ANXA10: variants seen among roughly 807,000 people sequenced by gnomAD.
ANXA10 encodes annexin 14.
In ANXA10, 49 loss-of-function variants were observed where a neutral mutation model predicts 53.5. The ratio of observed to expected loss-of-function variants is 0.92; its 90% CI spans 0.73 to 1.16. The LOEUF is 1.16. Among genes scored for constraint, ANXA10 ranks in the 50% most tolerant of loss-of-function variants. ANXA10 has a pLI of 0.00. For synonymous variants in ANXA10, 131 were observed against 128.9 expected, an observed-to-expected ratio of 1.02 and a Z score of -0.11; for missense variants, 393 against 394.4, an observed-to-expected ratio of 1.00 and a Z score of 0.03.
chr4:168,139,177 G>C (rs1731286556), intron 2 of ANXA10, among the ~76,000 whole-genome samples: 1 of 152,064 alleles, frequency 6.6e-6, no homozygotes, highest in African/African-American at 2.4e-5. Context: ...TATTGTTTCT[G>C]TTCTCAGGGG....
At chr4:168,104,338 G>T (rs1358525163) in intron 1 of ANXA10, among the ~76,000 whole-genome samples, 1 of 151,666 alleles carries the variant, frequency 6.6e-6, no homozygotes, top group Non-Finnish European at 1.5e-5. Flanking sequence ...TGTTCATAAG[G>T]GTTACTATCC....
At chr4:168,178,819 G>C (rs1487311861) in intron 8 of ANXA10, among the ~76,000 whole-genome samples, 1 of 152,126 alleles carries the variant, frequency 6.6e-6, no homozygotes. Flanking sequence ...TCATCACAGA[G>C]AGGACTTTTA....
chr4:168,165,679 T>C (rs996890065), intron 6 of ANXA10, among the ~76,000 whole-genome samples: 7 of 149,530 alleles, frequency 4.7e-5, no homozygotes, highest in African/African-American at 1.5e-4. Flanking sequence ...AATTTCTTTC[T>C]TTCTTTCTTT....
At chr4:168,156,429 T>C (rs929671072) in intron 3 of ANXA10, among the ~76,000 whole-genome samples, 1 of 124,878 alleles carries the variant, frequency 8.0e-6, no homozygotes, top group Non-Finnish European at 1.6e-5. Flanking sequence ...ATATATACTA[T>C]ATAATATATA....
At chr4:168,184,325 A>ATTGT (rs1454095120) in intron 10 of ANXA10, among the ~76,000 whole-genome samples, 3 of 152,204 alleles carry the variant, frequency 2.0e-5, no homozygotes, top group Admixed American at 1.3e-4. Flanking sequence ...TAGAGAGCAC[A>ATTGT]AGGCATTCAG....
At chr4:168,120,069 T>C (rs1462335865) in intron 1 of ANXA10, among the ~76,000 whole-genome samples, 1 of 152,070 alleles carries the variant, frequency 6.6e-6, no homozygotes, top group Non-Finnish European at 1.5e-5. Flanking sequence ...AATACAGTTT[T>C]GCAATACTTG....
At position 168,164,187 on chromosome 4, in the gene ANXA10, C is replaced by T. The variant is rs1226096635; in HGVS notation, c.310-11C>T. The stretch of plus-strand genomic sequence containing the variant: ...ATATCCTTACATTTATCTCTTTTTT[C>T]CTTTCTCTAGGGAGTAGGCACTGAT... On this transcript the variant is annotated splice_polypyrimidine_tract_variant and intron_variant, in intron 4 of 11. Transcript: ENST00000359299. 3.2e-6 allele frequency: 5 copies of T among 1,569,952 alleles called. No homozygotes were observed. The highest frequency in any genetic ancestry group is 1.7e-5 in the Admixed American group (1 of 57,266).
At chr4:168,155,414 C>A (rs1364788209) in intron 3 of ANXA10, among the ~76,000 whole-genome samples, 1 of 75,784 alleles carries the variant, frequency 1.3e-5, no homozygotes, top group African/African-American at 5.5e-5. Flanking sequence ...TTATATTATA[C>A]ATTATATTAT....
intron 9 of ANXA10, among the ~76,000 whole-genome samples, chr4:168,180,081 T>C (rs1732211786): frequency 6.6e-6 from 1 of 152,136 alleles, no homozygotes; most frequent in African/African-American, 2.4e-5. Context: ...GGCAGAGGCA[T>C]ACACGGGCGT....
chr4:168,116,087 CA>C (rs150995061), intron 1 of ANXA10, among the ~76,000 whole-genome samples: 2 of 150,826 alleles, frequency 1.3e-5, no homozygotes, highest in East Asian at 1.9e-4. Context: ...AAGACAAATG[CA>C]AAAAAAATGG....
intron 1 of ANXA10, among the ~76,000 whole-genome samples, chr4:168,103,518 C>T (rs1356027086): frequency 6.6e-6 from 1 of 151,848 alleles, no homozygotes; most frequent in Admixed American, 6.6e-5. Context: ...AGCTATACTT[C>T]AATATTGTTA....
rs902607221 is a variant in ANXA10 at position 168,187,647 on chromosome 4, A to T, written c.*213A>T. ...ACTATCCTGAATTTGCCTACTATCTAATCAGCAATTAAATAAATTGTGCAT... is the reference window on the plus strand; with the variant it reads ...ACTATCCTGAATTTGCCTACTATCTTATCAGCAATTAAATAAATTGTGCAT... On this transcript the variant is annotated 3_prime_UTR_variant, in exon 12 of 12. Coordinates refer to ENST00000359299, the MANE Select transcript of ANXA10 (RefSeq NM_007193.5). 2.5e-5 allele frequency: 9 copies of T among 359,842 alleles called. No homozygotes were observed. The highest frequency in any genetic ancestry group is 4.6e-5 in the Non-Finnish European group (9 of 195,622). The allele number at this position is 359,842 out of a possible 1,614,324, so 22.3% of individuals were successfully genotyped here. A position where few individuals can be genotyped will look rare whatever the true frequency, so the allele number is the denominator to read the frequency against.
intron 1 of ANXA10, among the ~76,000 whole-genome samples, chr4:168,109,534 A>G (rs1158926262): frequency 6.6e-6 from 1 of 152,178 alleles, no homozygotes; most frequent in East Asian, 1.9e-4. Context: ...TCAAAGTATA[A>G]AATAAATCAC....
At chr4:168,153,207 C>G (rs1355950948) in intron 3 of ANXA10, among the ~76,000 whole-genome samples, 1 of 151,994 alleles carries the variant, frequency 6.6e-6, no homozygotes, top group African/African-American at 2.4e-5. Context: ...AAAGTAGTAA[C>G]AGTTCATCAG....
At chr4:168,147,068 G>A (rs1006166463) in intron 3 of ANXA10, among the ~76,000 whole-genome samples, 1 of 152,168 alleles carries the variant, frequency 6.6e-6, no homozygotes, top group Non-Finnish European at 1.5e-5. Flanking sequence ...TCAGCAGCTT[G>A]CTGATTTCCC....
chr4:168,172,540 A>G (rs969780894), intron 6 of ANXA10, among the ~76,000 whole-genome samples: 1 of 152,132 alleles, frequency 6.6e-6, no homozygotes, highest in Non-Finnish European at 1.5e-5. Context: ...TCCAATTAAC[A>G]TTTCTTGAAT....
intron 1 of ANXA10, among the ~76,000 whole-genome samples, chr4:168,119,386 G>A (rs1730950410): frequency 6.6e-6 from 1 of 152,132 alleles, no homozygotes; most frequent in African/African-American, 2.4e-5. Flanking sequence ...GACTCATAAG[G>A]CTGATTTTCA....
chr4:168,154,616 TA>T (rs1377648656), intron 3 of ANXA10, among the ~76,000 whole-genome samples: 1 of 152,172 alleles, frequency 6.6e-6, no homozygotes, highest in African/African-American at 2.4e-5. Flanking sequence ...GATAAAAGTA[TA>T]TTGAATTGAT....
chr4:168,161,305 A>G (rs979819880), intron 3 of ANXA10, among the ~76,000 whole-genome samples: 2 of 152,172 alleles, frequency 1.3e-5, no homozygotes, highest in East Asian at 1.9e-4. Context: ...AGCACCATTT[A>G]TTAAATAGAG....
Sources: gnomAD v4.1 joint callset for allele counts (sites outside exome capture counted in the v4.1 genomes callset) on GRCh38, gnomAD v4.1.1 for gene constraint, MANE v1.5 for transcripts, NCBI Gene and HGNC (gene_info 2026-07-23, HGNC 2026-07-21) for gene names.